The following TNFSF4 variants were observed in gnomAD, a reference collection of about 807,000 sequenced individuals.
TNFSF4 encodes the protein TNF superfamily member 4.
Under a neutral mutation model 7.3 loss-of-function variants are expected in TNFSF4, and 4 were observed. The observed-to-expected ratio is 0.55, with a 90% CI of 0.27 to 1.25. The LOEUF (loss-of-function observed/expected upper bound fraction) is 1.25, where lower values mean the gene tolerates loss of function less well. Among genes scored for constraint, TNFSF4 ranks in the 50% most tolerant of loss-of-function variants. The pLI is 0.12. For missense variants in TNFSF4, 181 were observed against 208.8 expected (o/e 0.87, Z 0.82); for synonymous variants, 76 against 83.7 (o/e 0.91, Z 0.50).
chr1:173,327,392 TA>T, the TNFSF4 span, among the ~76,000 whole-genome samples: 1 of 151,850 alleles, frequency 6.6e-6, no homozygotes, highest in African/African-American at 2.4e-5. Flanking sequence ...CCTAAAACCA[TA>T]AAAACCCTAG....
At chr1:173,420,079 CTTTT>C in the TNFSF4 span, among the ~76,000 whole-genome samples, 1 of 151,922 alleles carries the variant, frequency 6.6e-6, no homozygotes, top group African/African-American at 2.4e-5. Context: ...AATTTTTTTT[CTTTT>C]TTCTTTGTCC....
the TNFSF4 span, chr1:173,362,854 C>G: frequency 4.4e-6 from 2 of 452,036 alleles, no homozygotes; most frequent in Non-Finnish European, 8.7e-6. Flanking sequence ...GCTGCCACAG[C>G]ATGGCTAAGA....
the TNFSF4 span, among the ~76,000 whole-genome samples, chr1:173,249,417 CAA>C: frequency 6.6e-6 from 1 of 152,192 alleles, no homozygotes; most frequent in Non-Finnish European, 1.5e-5. Flanking sequence ...ACTGTCCATT[CAA>C]TTTCTACAAT....
chr1:173,223,863 G>A, the TNFSF4 span, among the ~76,000 whole-genome samples: 5 of 152,224 alleles, frequency 3.3e-5, no homozygotes, highest in African/African-American at 1.2e-4. Context: ...CCAGGGGAAA[G>A]AATGGGTGGT....
chr1:173,429,900 C>A, the TNFSF4 span, among the ~76,000 whole-genome samples: 1 of 152,190 alleles, frequency 6.6e-6, no homozygotes, highest in African/African-American at 2.4e-5. Flanking sequence ...ACTTTTAGGA[C>A]GTGCTGGGCT....
At chr1:173,196,748 C>A (rs1000644259) in intron 1 of TNFSF4, among the ~76,000 whole-genome samples, 2 of 152,188 alleles carry the variant, frequency 1.3e-5, no homozygotes, top group Non-Finnish European at 2.9e-5. Flanking sequence ...CTCTTCATAT[C>A]GTCAGAGGGA....
chr1:173,310,285 C>CA, the TNFSF4 span, among the ~76,000 whole-genome samples: 1 of 151,796 alleles, frequency 6.6e-6, no homozygotes, highest in Non-Finnish European at 1.5e-5. Context: ...TACTTAAGGG[C>CA]AAAAAATGTC....
the TNFSF4 span, among the ~76,000 whole-genome samples, chr1:173,358,120 T>C: frequency 2.6e-5 from 4 of 151,478 alleles, no homozygotes; most frequent in Non-Finnish European, 5.9e-5. Context: ...AGTAGGAGAG[T>C]CAGAGTCAGA....
At chr1:173,327,187 G>C in the TNFSF4 span, among the ~76,000 whole-genome samples, 1 of 152,152 alleles carries the variant, frequency 6.6e-6, no homozygotes. Context: ...CAATGGAACA[G>C]AACAGAGCCC....
chr1:173,417,153 G>A, the TNFSF4 span, among the ~76,000 whole-genome samples: 2 of 152,236 alleles, frequency 1.3e-5, no homozygotes, highest in Non-Finnish European at 2.9e-5. Flanking sequence ...AAATAATGCA[G>A]AGGAATGGTG....
the TNFSF4 span, among the ~76,000 whole-genome samples, chr1:173,245,514 C>T: frequency 6.6e-6 from 1 of 152,250 alleles, no homozygotes; most frequent in Middle Eastern, 3.4e-3. Flanking sequence ...GTGATGTTTC[C>T]ATACATGTAT....
At chr1:173,193,554 C>T (rs562807790) in intron 1 of TNFSF4, among the ~76,000 whole-genome samples, 1 of 152,186 alleles carries the variant, frequency 6.6e-6, no homozygotes, top group South Asian at 2.1e-4. Flanking sequence ...TTTTATTATA[C>T]CACACAAGTA....
the TNFSF4 span, among the ~76,000 whole-genome samples, chr1:173,381,417 T>C: frequency 1.3e-4 from 20 of 152,232 alleles, no homozygotes; most frequent in African/African-American, 4.8e-4. Flanking sequence ...TTGGGCAACA[T>C]GGCTTCTCCC....
the TNFSF4 span, among the ~76,000 whole-genome samples, chr1:173,261,373 C>A: frequency 2.0e-5 from 3 of 152,030 alleles, no homozygotes; most frequent in Non-Finnish European, 4.4e-5. Flanking sequence ...TATCAAAAAG[C>A]TAGAAAGATC....
intron 1 of TNFSF4, among the ~76,000 whole-genome samples, chr1:173,195,809 G>A (rs542591634): frequency 2.0e-5 from 3 of 152,336 alleles, no homozygotes; most frequent in Admixed American, 2.0e-4. Context: ...CAATGTCAAG[G>A]CCTTGGTGGT....
the TNFSF4 span, among the ~76,000 whole-genome samples, chr1:173,220,335 C>T: frequency 6.6e-6 from 1 of 152,146 alleles, no homozygotes; most frequent in Non-Finnish European, 1.5e-5. Context: ...GTAGGTACTG[C>T]ACACAAGCTT....
the TNFSF4 span, among the ~76,000 whole-genome samples, chr1:173,273,512 G>A: frequency 6.6e-6 from 1 of 152,044 alleles, no homozygotes; most frequent in East Asian, 1.9e-4. Flanking sequence ...TATAATACAA[G>A]TGGCATTTCT....
the TNFSF4 span, among the ~76,000 whole-genome samples, chr1:173,446,276 A>G: frequency 6.6e-6 from 1 of 152,168 alleles, no homozygotes; most frequent in African/African-American, 2.4e-5. Context: ...AAAAAAAAAG[A>G]ACCATCTTAC....
At chr1:173,318,170 C>G in the TNFSF4 span, among the ~76,000 whole-genome samples, 1 of 152,170 alleles carries the variant, frequency 6.6e-6, no homozygotes, top group African/African-American at 2.4e-5. Context: ...GGCATGGTGG[C>G]TCATGCCTGT....
Sources: allele counts gnomAD v4.1 joint callset (sites outside exome capture counted in the v4.1 genomes callset), GRCh38; gene constraint gnomAD v4.1.1; transcripts MANE v1.5; gene names NCBI Gene and HGNC (gene_info 2026-07-23, HGNC 2026-07-21).